VPS52: variants seen among roughly 807,000 people sequenced by gnomAD.
VPS52 encodes the protein vacuolar protein sorting-associated protein 52 homolog.
VPS52 carries 56 observed loss-of-function variants against 98.7 expected under a neutral mutation model. The ratio of observed to expected loss-of-function variants is 0.57; its 90% CI spans 0.46 to 0.71. The LOEUF (loss-of-function observed/expected upper bound fraction) is 0.71, where lower values mean the gene tolerates loss of function less well. Among genes scored for constraint, VPS52 ranks in the 30% least tolerant of loss-of-function variants. VPS52 has a pLI of 0.00. For missense variants in VPS52, 742 were observed against 925.9 expected, an observed-to-expected ratio of 0.80 and a Z score of 2.58; for synonymous variants, 348 against 346.4, an observed-to-expected ratio of 1.00 and a Z score of -0.05.
In VPS52 at chr6:33,250,960, A is replaced by G; in HGVS notation, c.2053T>C (p.Tyr685His). The change falls in exon 20 of 20, where the codon TAT becomes CAT. Residue 685 changes from tyrosine (Y) to histidine (H), a missense_variant. Coordinates refer to ENST00000445902, the MANE Select transcript of VPS52 (RefSeq NM_022553.6). ...QGALTQLIQL[Y>H]HRFHRVLSQP... The stretch of plus-strand genomic sequence containing the variant: ...GACAGCACCCGGTGGAAGCGATGAT[A>G]GAGCTGGATCAGCTGGGTCAGCGCT... 6.2e-7 allele frequency: 1 copy of G among 1,613,090 alleles called. No individual in the cohort carries two copies. Among genetic ancestry groups the G allele is most frequent in the African/African-American group, 1.3e-5 (1 of 75,042 alleles).
At position 33,267,273 on chromosome 6, in the gene VPS52, AG is replaced by A. The variant is rs1378755452; in HGVS notation, c.1039del (p.Leu347Ter). ...GGAGATGACAGAGCCGCGGGTTCCTAGGGTGAAAATGGTGTTCCTGCTGCGG... is the reference window on the plus strand; with the variant it reads ...GGAGATGACAGAGCCGCGGGTTCCTAGGTGAAAATGGTGTTCCTGCTGCGG... ...SLRSRNTIFT[L>X]GTRGSVISPT... is the part of the protein sequence containing the mutation. On this transcript the variant is annotated frameshift_variant, in exon 11 of 20. Coordinates refer to ENST00000445902, the MANE Select transcript of VPS52 (RefSeq NM_022553.6). LOFTEE classifies it high-confidence loss of function. The surrounding 1 kb of genome is among the most constrained non-coding windows in gnomAD (Gnocchi z 4.2). The A allele has an allele frequency of 6.2e-7, 1 of 1,604,574 alleles. No individual in the cohort carries two copies.
At chr6:33,260,623 CT>C (rs1491330382) in intron 17 of VPS52, among the ~76,000 whole-genome samples, 3 of 152,186 alleles carry the variant, frequency 2.0e-5, no homozygotes, top group African/African-American at 2.4e-5. Context: ...TTTTTTCCCC[CT>C]TTTTTTGTGT....
intron 5 of VPS52, 94 bp downstream of exon 5, chr6:33,269,396 G>A: frequency 1.3e-6 from 2 of 1,534,660 alleles, no homozygotes; most frequent in South Asian, 2.2e-5. Context: ...ACCCTAACCT[G>A]TCCCCATCTT....
At chr6:33,270,435 A>G (rs1311459878) in intron 1 of VPS52, 152 bp from the exon 2 acceptor site, 7 of 692,266 alleles carry the variant, frequency 1.0e-5, no homozygotes, top group Non-Finnish European at 1.4e-5. Context: ...CTCACGTTGT[A>G]CCCACTCTCC....
Position 33,269,481 on chromosome 6 carries a change from A to T in VPS52, c.372+9T>A, listed in dbSNP as rs568174458. The T allele has an allele frequency of 4.5e-5, 73 of 1,613,260 alleles. No individual in the cohort carries two copies. Among genetic ancestry groups the T allele is most frequent in the Admixed American group, 3.0e-4 (18 of 60,008 alleles). ...TAGCTATTAGGGGTCACAGGTCATG[A>T]TTACTAACCTCCAGGACAGCATCAC... On this transcript the variant is annotated intron_variant, in intron 5 of 19. Transcript: ENST00000445902.
Position 33,268,273 on chromosome 6 carries a change from G to A in VPS52, c.700-65C>T. Reference sequence around the variant, plus strand: ...CCCTTTTGCTGTATGAGAGGAACTGGGGGAAGCAACAAATGGTAAACATAG... The same window carrying A: ...CCCTTTTGCTGTATGAGAGGAACTGAGGGAAGCAACAAATGGTAAACATAG... On this transcript the variant is annotated intron_variant, in intron 7 of 19. Coordinates refer to ENST00000445902, the MANE Select transcript of VPS52 (RefSeq NM_022553.6). The surrounding 1 kb of genome is among the most constrained non-coding windows in gnomAD (Gnocchi z 4.0). The A allele has an allele frequency of 6.5e-7, 1 of 1,534,232 alleles. No homozygotes were observed. The highest frequency in any genetic ancestry group is 9.0e-7 in the Non-Finnish European group (1 of 1,110,452).
intron 12 of VPS52, among the ~76,000 whole-genome samples, chr6:33,265,807 A>G (rs1361222160): frequency 3.3e-5 from 5 of 152,064 alleles, no homozygotes; most frequent in African/African-American, 1.2e-4. Flanking sequence ...CAGTAGGGGT[A>G]GTCTCAGGGA....
intron 17 of VPS52, among the ~76,000 whole-genome samples, chr6:33,263,274 A>AAC (rs1299927185): frequency 1.2e-4 from 18 of 148,596 alleles, no homozygotes; most frequent in South Asian, 1.1e-3. Flanking sequence ...AAAAAAAAAA[A>AAC]AAAAAAAAAA....
chr6:33,267,882 G>A lies in VPS52; in HGVS notation c.916C>T (p.Arg306Trp), dbSNP rs190630827. ...YLSYYRSYLG[R>W]LMKVQYEEVA... ...GACCTTACCTGCACCTTCATGAGCC[G>A]CCCCAGGTAAGAGCGGTAGTAAGAC... is the stretch of plus-strand genomic sequence containing the variant. The change falls in exon 9 of 20, where the codon CGG becomes TGG. Residue 306 changes from arginine to tryptophan, a missense_variant. Arg to Trp is a moderately radical substitution (Grantham distance 101). Around this residue, in one of 2 missense-constraint regions of VPS52, gnomAD observed 590 missense variants for 793.3 expected, o/e 0.74. Coordinates refer to ENST00000445902, the MANE Select transcript of VPS52 (RefSeq NM_022553.6). This position sits in a 1 kb window ranked among gnomAD's most constrained non-coding sequence, Gnocchi z 4.2. The A allele has an allele frequency of 3.7e-6, 6 of 1,612,866 alleles. No homozygotes were observed. The highest frequency in any genetic ancestry group is 3.3e-5 in the Admixed American group (2 of 59,994).
intron 17 of VPS52, 121 bp from the exon 18 acceptor site, chr6:33,252,092 G>A: frequency 1.3e-6 from 1 of 774,654 alleles, no homozygotes; most frequent in Non-Finnish European, 2.1e-6. Flanking sequence ...AAAAGTTAAG[G>A]AAAATCCTCT....
At position 33,267,095 on chromosome 6, in the gene VPS52, C is replaced by T; in HGVS notation, c.1125+93G>A. 10 of 1,423,096 alleles carry T rather than the reference C, an allele frequency of 7.0e-6. No homozygotes were observed. The highest frequency in any genetic ancestry group is 9.2e-6 in the Non-Finnish European group (10 of 1,082,348). 88.2% of individuals were successfully genotyped at this position (1,423,096 alleles called of 1,614,324 possible). On this transcript the variant is annotated intron_variant, in intron 11 of 19. Transcript: ENST00000445902. The surrounding 1 kb of genome is among the most constrained non-coding windows in gnomAD (Gnocchi z 4.2). The stretch of plus-strand genomic sequence containing the variant: ...AAGTCTAAGGGGATTAAGACAGGGC[C>T]TGCAGGTTGGGAAGCTCTGCCCTGA...
At chr6:33,254,119 C>T (rs1762648330) in intron 17 of VPS52, among the ~76,000 whole-genome samples, 1 of 151,836 alleles carries the variant, frequency 6.6e-6, no homozygotes, top group Admixed American at 6.6e-5. Flanking sequence ...ATTATTAATA[C>T]TAAAATTAGC....
At chr6:33,263,363 G>T in intron 17 of VPS52, 121 bp downstream of exon 17, 2 of 737,788 alleles carry the variant, frequency 2.7e-6, no homozygotes, top group Non-Finnish European at 4.0e-6. Context: ...CCGCATACCT[G>T]AGATCCATTA....
chr6:33,270,034 G>C lies in VPS52; in HGVS notation c.193C>G (p.Leu65Val). Residue 65 changes from leucine to valine, a missense_variant, in exon 3 of 20, where the codon CTG (leucine) becomes GTG (valine). Coordinates refer to ENST00000445902, the MANE Select transcript of VPS52 (RefSeq NM_022553.6). The stretch of plus-strand genomic sequence containing the variant: ...GCTTCCTTTACTAACTCATCCTCCA[G>C]ATTTGCCTGAATGTGAACTGGAAAT... ...DEVDVHIQAN[L>V]EDELVKEALK... 6.2e-7 allele frequency: 1 copy of C among 1,614,216 alleles called. No individual in the cohort carries two copies. Among genetic ancestry groups the C allele is most frequent in the Non-Finnish European group, 8.5e-7 (1 of 1,180,046 alleles).
At chr6:33,253,832 A>AT (rs1313755004) in intron 17 of VPS52, among the ~76,000 whole-genome samples, 1 of 152,170 alleles carries the variant, frequency 6.6e-6, no homozygotes, top group East Asian at 1.9e-4. Context: ...ATAAGATTTA[A>AT]TTCAAAGTAA....
At chr6:33,256,861 GA>G (rs1286216066) in intron 17 of VPS52, among the ~76,000 whole-genome samples, 6 of 128,346 alleles carry the variant, frequency 4.7e-5, no homozygotes, top group African/African-American at 1.1e-4. Flanking sequence ...AAAAAGAAAA[GA>G]AAAAAAAAGA....
chr6:33,261,819 T>C (rs1362044528), intron 17 of VPS52, among the ~76,000 whole-genome samples: 1 of 151,782 alleles, frequency 6.6e-6, no homozygotes, highest in African/African-American at 2.4e-5. Context: ...GCTGGGCAGA[T>C]CACCTGAGGT....
chr6:33,269,949 T>G (rs762938481), intron 3 of VPS52, 50 bp downstream of exon 3: 1 of 1,612,334 alleles, frequency 6.2e-7, no homozygotes, highest in Non-Finnish European at 8.5e-7. Context: ...TGTTTTTCCT[T>G]TTGGGGTAGA....
At chr6:33,252,629 T>TAGTA (rs971337458) in intron 17 of VPS52, among the ~76,000 whole-genome samples, 21 of 150,520 alleles carry the variant, frequency 1.4e-4, no homozygotes, top group Non-Finnish European at 2.4e-4. Flanking sequence ...AATGACCAAT[T>TAGTA]AGTAAGAACT....
Sources: gnomAD v4.1 joint callset for allele counts (sites outside exome capture counted in the v4.1 genomes callset) on GRCh38, gnomAD v4.1.1 for gene constraint, gnomAD v4.1.1 regional missense constraint, Gnocchi (gnomAD v3.1) non-coding constraint, MANE v1.5 for transcripts, NCBI Gene and HGNC (gene_info 2026-07-23, HGNC 2026-07-21) for gene names.